The following DLG2 variants were observed in gnomAD, a reference collection of about 807,000 sequenced individuals.
DLG2 encodes the protein discs large MAGUK scaffold protein 2, also known as disks large homolog 2.
In DLG2, 45 loss-of-function variants were observed where a neutral mutation model predicts 132.5. The ratio of observed to expected loss-of-function variants is 0.34; its 90% CI spans 0.27 to 0.44. DLG2 has a LOEUF of 0.44. Among genes scored for constraint, DLG2 ranks in the 20% least tolerant of loss-of-function variants. The pLI is 1.00. For missense variants in DLG2, 1,045 were observed against 1,196.9 expected (o/e 0.87, Z 1.87); for synonymous variants, 424 against 419.6 (o/e 1.01, Z -0.13).
chr11:85,410,768 G>A (rs2089239491), intron 3 of DLG2, among the ~76,000 whole-genome samples: 1 of 151,872 alleles, frequency 6.6e-6, no homozygotes, highest in African/African-American at 2.4e-5. Context: ...TATAGTAAGT[G>A]ATGTGTTACA....
chr11:85,598,978 C>T (rs1210849685), intron 2 of DLG2, among the ~76,000 whole-genome samples, 190 bp from the exon 3 acceptor site: 8 of 152,116 alleles, frequency 5.3e-5, no homozygotes, highest in African/African-American at 1.9e-4. Flanking sequence ...AGTTTTATTT[C>T]TATAGTCTTG....
At position 85,122,347 on chromosome 11, in the gene DLG2, AG is replaced by A. The variant is rs1378945833; in HGVS notation, c.283-10613del. ...AATCTTAAAGGTTAAGAAATGTATT[AG>A]GGAAGTATCAAGCTAGGAAGTTGAG... On this transcript the variant is annotated intron_variant, in intron 5 of 27. Coordinates refer to ENST00000376104, the MANE Select transcript of DLG2 (RefSeq NM_001142699.3). Among the ~76,000 whole-genome samples the A allele has an allele frequency of 2.6e-4, 39 of 152,360 alleles. 1 individual carries two copies. Among genetic ancestry groups the A allele is most frequent in the African/African-American group, 9.1e-4 (38 of 41,592 alleles).
chr11:85,337,674 G>C (rs1019812826), intron 3 of DLG2, among the ~76,000 whole-genome samples: 7 of 152,156 alleles, frequency 4.6e-5, no homozygotes, highest in African/African-American at 1.7e-4. Context: ...TGCTTATGCT[G>C]ATTAGGCTCA....
intron 5 of DLG2, among the ~76,000 whole-genome samples, chr11:85,146,870 T>C (rs916337200): frequency 6.6e-6 from 1 of 152,174 alleles, no homozygotes; most frequent in South Asian, 2.1e-4. Flanking sequence ...AGTCAGCCAA[T>C]GGTGGAGCTA....
intron 6 of DLG2, among the ~76,000 whole-genome samples, chr11:85,086,953 T>A (rs1395681604): frequency 2.6e-5 from 4 of 152,258 alleles, no homozygotes; most frequent in Non-Finnish European, 4.4e-5. Context: ...ATATGTCTTT[T>A]GTTTTTTAAA....
At chr11:85,579,596 T>C (rs1430083126) in intron 3 of DLG2, among the ~76,000 whole-genome samples, 1 of 152,146 alleles carries the variant, frequency 6.6e-6, no homozygotes, top group East Asian at 1.9e-4. Flanking sequence ...CAACTTTACT[T>C]GTACCTTGGG....
At chr11:85,107,403 G>C (rs2071943473) in intron 6 of DLG2, among the ~76,000 whole-genome samples, 1 of 151,994 alleles carries the variant, frequency 6.6e-6, no homozygotes, top group Non-Finnish European at 1.5e-5. Context: ...TGGGTTTGGG[G>C]ATATTCCTCA....
At position 83,558,317 on chromosome 11, in the gene DLG2, T is replaced by A. The variant is rs59353439; in HGVS notation, c.1941-16459A>T. Among the ~76,000 whole-genome samples the A allele has an allele frequency of 2.1e-3, 325 of 152,320 alleles. 1 individual carries two copies. Among genetic ancestry groups the A allele is most frequent in the African/African-American group, 7.5e-3 (311 of 41,580 alleles). On this transcript the variant is annotated intron_variant, in intron 19 of 27. Transcript: ENST00000376104. ...ATAAAACTGTCAGAAATTTAAAAAA[T>A]TTTTTATTTAAAAAACTTTTATCTT...
At chr11:84,020,973 T>C (rs1336422315) in intron 11 of DLG2, among the ~76,000 whole-genome samples, 1 of 152,140 alleles carries the variant, frequency 6.6e-6, no homozygotes, top group African/African-American at 2.4e-5. Context: ...ACTTTCTTCC[T>C]AAATCAGTAG....
intron 7 of DLG2, among the ~76,000 whole-genome samples, chr11:84,295,996 T>C (rs1035072603): frequency 5.9e-5 from 9 of 152,176 alleles, no homozygotes; most frequent in African/African-American, 2.2e-4. Context: ...TAAAGACATC[T>C]CATGATGACA....
At chr11:84,323,173 C>T (rs1452964997) in intron 7 of DLG2, among the ~76,000 whole-genome samples, 1 of 152,190 alleles carries the variant, frequency 6.6e-6, no homozygotes, top group East Asian at 1.9e-4. Flanking sequence ...GATTAAAAGT[C>T]TACACCCATT....
At chr11:84,659,642 C>G (rs1203546263) in intron 6 of DLG2, among the ~76,000 whole-genome samples, 1 of 151,986 alleles carries the variant, frequency 6.6e-6, no homozygotes, top group Non-Finnish European at 1.5e-5. Context: ...AATTTCTCAC[C>G]CTGGGAATTA....
intron 6 of DLG2, among the ~76,000 whole-genome samples, chr11:84,657,109 C>G (rs969005851): frequency 1.3e-5 from 2 of 152,104 alleles, no homozygotes; most frequent in Non-Finnish European, 2.9e-5. Flanking sequence ...AAGCCTAAAG[C>G]AGATATTAAA....
At chr11:84,574,023 G>C (rs1286363852) in intron 6 of DLG2, among the ~76,000 whole-genome samples, 1 of 152,064 alleles carries the variant, frequency 6.6e-6, no homozygotes, top group African/African-American at 2.4e-5. Flanking sequence ...ACTAGGGAGG[G>C]GCAAAACTTG....
intron 6 of DLG2, among the ~76,000 whole-genome samples, chr11:84,792,766 T>C (rs1178135713): frequency 1.3e-5 from 2 of 152,112 alleles, no homozygotes; most frequent in African/African-American, 2.4e-5. Flanking sequence ...TCAGTTTTAA[T>C]GTTTTCTTTT....
At chr11:85,124,161 G>A (rs898858065) in intron 5 of DLG2, among the ~76,000 whole-genome samples, 5 of 152,226 alleles carry the variant, frequency 3.3e-5, no homozygotes, top group Non-Finnish European at 5.9e-5. Context: ...AACCTTATGT[G>A]TATGTTGGCA....
chr11:85,397,171 C>T (rs2152956442), intron 3 of DLG2, among the ~76,000 whole-genome samples: 1 of 152,198 alleles, frequency 6.6e-6, no homozygotes, highest in Admixed American at 6.5e-5. Context: ...TCATATCCAG[C>T]CAAACTAAAC....
intron 15 of DLG2, among the ~76,000 whole-genome samples, chr11:83,926,608 CT>C (rs1194455890): frequency 1.3e-5 from 2 of 151,936 alleles, no homozygotes; most frequent in East Asian, 3.9e-4. Flanking sequence ...TTTATAATAT[CT>C]TTTTTAGGGC....
At position 84,776,329 on chromosome 11, in the gene DLG2, CA is replaced by C. The variant is rs1279678584; in HGVS notation, c.358-241599del. On this transcript the variant is annotated intron_variant, in intron 6 of 27. Coordinates refer to ENST00000376104, the MANE Select transcript of DLG2 (RefSeq NM_001142699.3). ...ACCATGCCTGGCTAATTTTTTAAAA[CA>C]TTTTTTTGTACTGACAGGGTCTCCT... Among the ~76,000 whole-genome samples the C allele has an allele frequency of 2.6e-5, 4 of 152,160 alleles. No homozygotes were observed. In the East Asian group the frequency reaches 7.8e-4, roughly 30 times the overall value.
Sources: allele counts gnomAD v4.1 joint callset (sites outside exome capture counted in the v4.1 genomes callset), GRCh38; gene constraint gnomAD v4.1.1; transcripts MANE v1.5; gene names NCBI Gene and HGNC (gene_info 2026-07-23, HGNC 2026-07-21).